Variants in GNAO1 observed in about 807,000 individuals in gnomAD.
GNAO1 encodes guanine nucleotide-binding protein G(o) subunit alpha.
For synonymous variants in GNAO1, 164 were observed against 180.7 expected, an observed-to-expected ratio of 0.91 and a Z score of 0.74; for missense variants, 166 against 478.7, an observed-to-expected ratio of 0.35 and a Z score of 6.10.
intron 2 of GNAO1, among the ~76,000 whole-genome samples, chr16:56,223,328 A>G (rs1371802343): frequency 6.6e-6 from 1 of 152,180 alleles, no homozygotes; most frequent in Non-Finnish European, 1.5e-5. Context: ...GCTTTCCTCT[A>G]TCTTAAAAGC....
At chr16:56,222,330 G>A (rs763143332) in intron 2 of GNAO1, among the ~76,000 whole-genome samples, 3 of 152,124 alleles carry the variant, frequency 2.0e-5, no homozygotes, top group Non-Finnish European at 2.9e-5. Context: ...CATTATTTCT[G>A]CAACAGACCC....
intron 4 of GNAO1, among the ~76,000 whole-genome samples, chr16:56,332,768 C>T (rs2037701645): frequency 1.3e-5 from 2 of 152,262 alleles, no homozygotes; most frequent in African/African-American, 2.4e-5. Context: ...CCAGGTTGCC[C>T]ATCTAAAGGA....
At chr16:56,247,591 C>T (rs114381160) in intron 2 of GNAO1, among the ~76,000 whole-genome samples, 4,766 of 148,888 alleles carry the variant, frequency 0.032, 171 homozygotes, top group South Asian at 0.11. Flanking sequence ...GCATCTTGTG[C>T]ATACATAATA....
chr16:56,328,917 TC>T, intron 4 of GNAO1, 126 bp downstream of exon 4: 1 of 891,640 alleles, frequency 1.1e-6, no homozygotes, highest in Non-Finnish European at 1.7e-6. Context: ...GGAGATGTTC[TC>T]CCATAGGTAG....
At chr16:56,340,023 T>C (rs1451554656) in intron 6 of GNAO1, among the ~76,000 whole-genome samples, 1 of 152,230 alleles carries the variant, frequency 6.6e-6, no homozygotes, top group African/African-American at 2.4e-5. Flanking sequence ...AGGCCCAGGA[T>C]GGCCATGGCC....
intron 6 of GNAO1, chr16:56,340,906 A>G (rs1251314819): frequency 1.2e-6 from 2 of 1,613,764 alleles, no homozygotes; most frequent in East Asian, 2.2e-5. Context: ...CACGTCCATC[A>G]TCCTGTTTCT....
At chr16:56,235,530 C>T in intron 2 of GNAO1, 1 of 412,574 alleles carries the variant, frequency 2.4e-6, no homozygotes, top group African/African-American at 2.1e-5. Flanking sequence ...CCCCTGAGAG[C>T]ACAACCAGTC....
chr16:56,357,270 T>A lies in GNAO1; in HGVS notation c.*1196T>A, dbSNP rs551933606. 4.3e-3 allele frequency: 624 copies of A among 145,440 alleles called. 5 individuals are homozygous for A. The highest frequency in any genetic ancestry group is 0.022 in the South Asian group (97 of 4,476). 9.0% of individuals were successfully genotyped at this position (145,440 alleles called of 1,614,324 possible). On this transcript the variant is annotated 3_prime_UTR_variant, in exon 9 of 9. Coordinates refer to ENST00000262493, the MANE Select transcript of GNAO1 (RefSeq NM_020988.3). ...GCAAAAAGACAAAACACACAAAAAA[T>A]TAAAAAAAAAAACTTAAAAAAAAAA...
intron 3 of GNAO1, among the ~76,000 whole-genome samples, chr16:56,287,139 A>G (rs1451794062): frequency 6.6e-6 from 1 of 152,202 alleles, no homozygotes; most frequent in African/African-American, 2.4e-5. Flanking sequence ...CCACTGACCA[A>G]TGGTCTCGCC....
intron 3 of GNAO1, chr16:56,301,804 T>C (rs1221767034): frequency 2.0e-5 from 3 of 152,152 alleles, no homozygotes; most frequent in African/African-American, 7.2e-5. Context: ...ATTGTTACTA[T>C]TGTCACTGAG....
intron 6 of GNAO1, chr16:56,347,401 T>C: frequency 1.0e-6 from 1 of 985,466 alleles, no homozygotes. Context: ...AGGGCCGGCG[T>C]GTGAGCTGCT....
chr16:56,336,701 C>T, intron 5 of GNAO1, 30 bp from the exon 6 acceptor site: 1 of 1,588,760 alleles, frequency 6.3e-7, no homozygotes, highest in East Asian at 2.3e-5. Flanking sequence ...TGCCTGGACC[C>T]TGCGCCTACC....
chr16:56,334,899 A>C (rs371905823), intron 5 of GNAO1, 42 bp downstream of exon 5: 3 of 1,606,642 alleles, frequency 1.9e-6, no homozygotes, highest in Non-Finnish European at 2.6e-6. Flanking sequence ...GAGGGCTAAG[A>C]TGGGACATGC....
chr16:56,323,242 C>A (rs117506168), intron 3 of GNAO1, among the ~76,000 whole-genome samples: 1 of 152,072 alleles, frequency 6.6e-6, no homozygotes, highest in African/African-American at 2.4e-5. Flanking sequence ...GTCTGGAATG[C>A]GGGAATGATG....
At chr16:56,236,595 C>A (rs1289967297) in intron 2 of GNAO1, among the ~76,000 whole-genome samples, 1 of 152,196 alleles carries the variant, frequency 6.6e-6, no homozygotes, top group African/African-American at 2.4e-5. Flanking sequence ...ACCTGACTCC[C>A]AGTCCAGTGC....
At chr16:56,346,218 A>G (rs533582217) in intron 6 of GNAO1, 16 of 985,452 alleles carry the variant, frequency 1.6e-5, no homozygotes, top group East Asian at 2.3e-4. Context: ...CCTGTCATCC[A>G]TGTCGTAACC....
rs76138921 is a variant in GNAO1 at position 56,324,194 on chromosome 16, A to T, written c.304-4437A>T. On this transcript the variant is annotated intron_variant, in intron 3 of 8. Transcript: ENST00000262493. ...TGGGACCCATTAAATTCCAGGCCAC[A>T]CATGGAAGCTCAAACATGGGAGCAC... is the stretch of plus-strand genomic sequence containing the variant. 8.3e-3 allele frequency among the ~76,000 whole-genome samples: 1,268 copies of T among 152,334 alleles called. 22 individuals carry two copies. The highest frequency in any genetic ancestry group is 0.029 in the African/African-American group (1,193 of 41,570).
chr16:56,258,074 A>G (rs1385277360), intron 2 of GNAO1, among the ~76,000 whole-genome samples: 6 of 152,228 alleles, frequency 3.9e-5, no homozygotes, highest in African/African-American at 1.4e-4. Flanking sequence ...GGCCAAACAA[A>G]ATACATCTCC....
chr16:56,268,051 G>A (rs781258457), intron 2 of GNAO1, among the ~76,000 whole-genome samples: 4 of 152,262 alleles, frequency 2.6e-5, no homozygotes, highest in African/African-American at 4.8e-5. Context: ...GAGGTAAGAC[G>A]CCTGTAGCAC....
Sources: gnomAD v4.1 joint callset for allele counts (sites outside exome capture counted in the v4.1 genomes callset) on GRCh38, gnomAD v4.1.1 for gene constraint, MANE v1.5 for transcripts, NCBI Gene and HGNC (gene_info 2026-07-23, HGNC 2026-07-21) for gene names.